ATM: variants seen among roughly 807,000 people sequenced by gnomAD.
ATM encodes the protein serine-protein kinase ATM.
A neutral mutation model predicts 387.0 loss-of-function variants in ATM; 308 were observed. The observed-to-expected ratio is 0.80, with a 90% confidence interval of 0.73 to 0.87. ATM has a LOEUF of 0.87. ATM is among the 40% of genes least tolerant of loss of function. ATM has a pLI of 0.00. For missense variants in ATM, 3,312 were observed against 3,560.9 expected (o/e 0.93, Z 1.78); for synonymous variants, 1,156 against 1,187.3 (o/e 0.97, Z 0.54).
chr11:108,285,919 C>T (rs530692892), intron 26 of ATM, among the ~76,000 whole-genome samples: 60 of 152,232 alleles, frequency 3.9e-4, no homozygotes, highest in Middle Eastern at 6.8e-3. Flanking sequence ...ATTTTTAGAG[C>T]CTGAATAGGT....
intron 25 of ATM, 66 bp from the exon 26 acceptor site, chr11:108,284,161 C>A (rs914424196): frequency 7.8e-7 from 1 of 1,289,984 alleles, no homozygotes; most frequent in Non-Finnish European, 1.1e-6. Flanking sequence ...TTTTTAAGAA[C>A]TATTTTATAA....
Position 108,317,428 on chromosome 11 carries a change from A to T in ATM, c.6254A>T (p.Asp2085Val), listed in dbSNP as rs2136165263. 2.5e-6 allele frequency: 4 copies of T among 1,612,356 alleles called. No homozygotes were observed. Among genetic ancestry groups the T allele is most frequent in the Non-Finnish European group, 3.4e-6 (4 of 1,179,226 alleles). Residue 2085 changes from aspartate (D) to valine (V), a missense_variant, in exon 43 of 63, where the codon GAT (aspartate) becomes GTT (valine). Around this residue, in one of 4 missense-constraint regions of ATM, gnomAD observed 1,405 missense variants for 1,604.4 expected, o/e 0.88. Transcript: ENST00000675843. ...CTTTCCGTCTATTTAAAAGGATTGG[A>T]TTATGAAAATAAAGACTGGTGTCCT... The part of the protein sequence containing the change: ...HILSVYLKGL[D>V]YENKDWCPEL...
intron 10 of ATM, 140 bp downstream of exon 10, chr11:108,251,212 GC>G: frequency 7.6e-7 from 1 of 1,307,430 alleles, no homozygotes; most frequent in Non-Finnish European, 1.1e-6. Context: ...TTCTTGTTTG[GC>G]CGAGAAGACT....
At chr11:108,302,017 T>G (rs898320087) in intron 35 of ATM, among the ~76,000 whole-genome samples, 1 of 152,098 alleles carries the variant, frequency 6.6e-6, no homozygotes, top group African/African-American at 2.4e-5. Flanking sequence ...GTAGTTGATT[T>G]TTGGGGGAGG....
At chr11:108,234,089 A>G (rs769186774) in intron 4 of ATM, among the ~76,000 whole-genome samples, 2 of 152,184 alleles carry the variant, frequency 1.3e-5, no homozygotes, top group African/African-American at 2.4e-5. Flanking sequence ...TAATCATACA[A>G]TGGATGTTTT....
chr11:108,259,886 T>A (rs1270297757), intron 16 of ATM, among the ~76,000 whole-genome samples: 2 of 152,228 alleles, frequency 1.3e-5, no homozygotes, highest in Admixed American at 6.5e-5. Context: ...TATTTCCATT[T>A]TATGACACAT....
chr11:108,294,912 C>T lies in ATM; in HGVS notation c.4777-15C>T, dbSNP rs1057521023. On this transcript the variant is annotated splice_polypyrimidine_tract_variant and intron_variant, in intron 31 of 62. Transcript: ENST00000675843. ...ACCAATACGTGTTAAAAGCAAGTTACATTTTCTCTTTTAGGAAATTAACCA... is the reference window on the plus strand; with the variant it reads ...ACCAATACGTGTTAAAAGCAAGTTATATTTTCTCTTTTAGGAAATTAACCA... 7 of 1,613,044 alleles carry T rather than the reference C, an allele frequency of 4.3e-6. No individual in the cohort carries two copies. Among genetic ancestry groups the T allele is most frequent in the African/African-American group, 1.3e-5 (1 of 74,848 alleles).
intron 61 of ATM, among the ~76,000 whole-genome samples, chr11:108,357,386 C>T (rs940362520): frequency 1.1e-4 from 16 of 152,206 alleles, no homozygotes; most frequent in Non-Finnish European, 2.4e-4. Context: ...CCGCCATTGC[C>T]CAGGCTTGAT....
chr11:108,325,456 A>G lies in ATM; in HGVS notation c.6719A>G (p.Asp2240Gly), dbSNP rs2136314215. Reference protein sequence around the residue: ...ILEILMEKEMDNSQRECIKDI... With the variant: ...ILEILMEKEMGNSQRECIKDI... ...GAGATCCTGATGGAAAAGGAAATGG[A>G]CAACTCACAAAGAGAATGTATTAAG... The change falls in exon 46 of 63, where the codon GAC becomes GGC. Residue 2240 changes from aspartate (D) to glycine (G), a missense_variant. Coordinates refer to ENST00000675843, the MANE Select transcript of ATM (RefSeq NM_000051.4). 1 of 1,613,796 alleles carries G rather than the reference A, an allele frequency of 6.2e-7. No individual in the cohort carries two copies. Among genetic ancestry groups the G allele is most frequent in the Non-Finnish European group, 8.5e-7 (1 of 1,179,904 alleles).
chr11:108,310,887 A>G (rs1375429816), intron 39 of ATM, among the ~76,000 whole-genome samples: 2 of 152,178 alleles, frequency 1.3e-5, no homozygotes, highest in South Asian at 2.1e-4. Flanking sequence ...ATACTCCTAG[A>G]TCATGGGGAA....
At chr11:108,292,116 T>G (rs190401104) in intron 29 of ATM, among the ~76,000 whole-genome samples, 66 of 152,300 alleles carry the variant, frequency 4.3e-4, no homozygotes, top group Non-Finnish European at 5.9e-5. Context: ...TTTACATCAG[T>G]CCTTGGTTCC....
chr11:108,312,057 T>G (rs556579369), intron 39 of ATM, among the ~76,000 whole-genome samples: 88 of 152,206 alleles, frequency 5.8e-4, no homozygotes, highest in Non-Finnish European at 1.2e-3. Flanking sequence ...GGTCTTTATT[T>G]GTGTGTCTGT....
intron 49 of ATM, chr11:108,329,456 G>A (rs947472581): frequency 7.2e-6 from 4 of 554,362 alleles, no homozygotes; most frequent in Non-Finnish European, 1.3e-5. Context: ...ACCCAGGCTG[G>A]AGTACAGTGG....
rs2135344665 is a variant in ATM at position 108,252,032 on chromosome 11, G to A, written c.1802+1G>A. The A allele has an allele frequency of 6.2e-7, 1 of 1,610,644 alleles. No individual in the cohort carries two copies. The highest frequency in any genetic ancestry group is 1.7e-5 in the Admixed American group (1 of 60,000). ...CAGAAGTGCCTCCAATTCTTCACAG[G>A]TAATTTAAGTTCATTAGCATGCTGC... On this transcript the variant is annotated splice_donor_variant, in intron 11 of 62. Coordinates refer to ENST00000675843, the MANE Select transcript of ATM (RefSeq NM_000051.4). LOFTEE classifies it high-confidence loss of function.
rs1238695431 is a variant in ATM at position 108,368,092 on chromosome 11, GC to G, written c.*2585del. On this transcript the variant is annotated 3_prime_UTR_variant, in exon 63 of 63. Transcript: ENST00000675843. ...TTAGCCTTGCATGGTATGCTATGAGGCTCCTGTTCTGTTCAAGTATTCTAAT... is the reference window on the plus strand; with the variant it reads ...TTAGCCTTGCATGGTATGCTATGAGGTCCTGTTCTGTTCAAGTATTCTAAT... 2.9e-5 allele frequency: 6 copies of G among 208,364 alleles called. No individual in the cohort carries two copies. Among genetic ancestry groups the G allele is most frequent in the African/African-American group, 1.4e-4 (6 of 43,920 alleles). 12.9% of individuals were successfully genotyped at this position (208,364 alleles called of 1,614,324 possible).
rs201689025 is a variant in ATM at position 108,335,067 on chromosome 11, T to C, written c.8109T>C (p.Asp2703=). Residue 2703 remains aspartate, a synonymous_variant, in exon 55 of 63, where the codon GAT becomes GAC. Coordinates refer to ENST00000675843, the MANE Select transcript of ATM (RefSeq NM_000051.4). ...GTGTAAATTTACCAAAAATAATAGA[T>C]TGTGTAGGTTCCGATGGCAAGGAGA... ...AGGVNLPKII[D]CVGSDGKERR... The C allele has an allele frequency of 1.2e-5, 19 of 1,613,940 alleles. No homozygotes were observed. Among genetic ancestry groups the C allele is most frequent in the African/African-American group, 4.0e-5 (3 of 74,900 alleles).
chr11:108,315,287 T>C (rs2136107547), intron 40 of ATM, among the ~76,000 whole-genome samples: 1 of 152,390 alleles, frequency 6.6e-6, no homozygotes. Context: ...GTTAATCTTA[T>C]GCAATTATGA....
At chr11:108,260,822 A>G (rs531978487) in intron 16 of ATM, among the ~76,000 whole-genome samples, 1 of 152,354 alleles carries the variant, frequency 6.6e-6, no homozygotes, top group South Asian at 2.1e-4. Context: ...GCATTGCCTC[A>G]CTCAGGAAGT....
intron 29 of ATM, chr11:108,290,405 T>G (rs778008366): frequency 2.6e-5 from 4 of 151,294 alleles, no homozygotes; most frequent in Admixed American, 6.6e-5. Context: ...GTAGGTAGAT[T>G]GCTTGAGCCC....
Sources: gnomAD v4.1 joint callset for allele counts (sites outside exome capture counted in the v4.1 genomes callset) on GRCh38, gnomAD v4.1.1 for gene constraint, gnomAD v4.1.1 regional missense constraint, MANE v1.5 for transcripts, NCBI Gene and HGNC (gene_info 2026-07-23, HGNC 2026-07-21) for gene names.